The following CCDC7 variants were observed in gnomAD, a reference collection of about 807,000 sequenced individuals.
The protein encoded by CCDC7 is coiled-coil domain containing 7, also known as coiled-coil domain-containing protein 7.
In CCDC7, 183 loss-of-function variants were observed where a neutral mutation model predicts 196.9. That is an observed-to-expected ratio of 0.93 (90% CI 0.82 to 1.05). The LOEUF is 1.05. CCDC7 is among the 50% of genes least tolerant of loss of function. CCDC7 has a pLI of 0.00. For missense variants in CCDC7, 1,540 were observed against 1,482.2 expected (o/e 1.04, Z -0.64); for synonymous variants, 525 against 484.6 (o/e 1.08, Z -1.10).
In CCDC7 at chr10:32,735,508, T is replaced by G. The variant is rs571285609; in HGVS notation, c.2905+6051T>G. Among the ~76,000 whole-genome samples, 26 of 152,338 alleles carry G rather than the reference T, an allele frequency of 1.7e-4. No individual in the cohort carries two copies. The East Asian group carries it at 5.0e-3, about 29-fold the overall frequency. On this transcript the variant is annotated intron_variant, in intron 28 of 41. Coordinates refer to ENST00000639629, the Ensembl canonical transcript of CCDC7. ...CATCTTTTTATGTTTATTTGCCATC[T>G]ATATATCTTTTTTGGTATCTCTTCA...
At chr10:32,678,375 A>T (rs1360293582) in intron 21 of CCDC7, among the ~76,000 whole-genome samples, 1 of 152,128 alleles carries the variant, frequency 6.6e-6, no homozygotes, top group African/African-American at 2.4e-5. Context: ...TTTACATGCT[A>T]GCTTTGGCCC....
chr10:32,660,100 T>C (rs1300903001), intron 20 of CCDC7, among the ~76,000 whole-genome samples: 1 of 152,134 alleles, frequency 6.6e-6, no homozygotes, highest in Non-Finnish European at 1.5e-5. Flanking sequence ...CTCTTTACTT[T>C]TTCCTCTGTT....
intron 20 of CCDC7, among the ~76,000 whole-genome samples, chr10:32,662,915 C>T (rs1447565637): frequency 6.6e-6 from 1 of 152,152 alleles, no homozygotes. Context: ...AGGTAGCTTT[C>T]AGGGCACTTT....
intron 24 of CCDC7, among the ~76,000 whole-genome samples, chr10:32,699,312 T>A (rs1377232626): frequency 1.3e-5 from 2 of 151,202 alleles, no homozygotes; most frequent in East Asian, 2.0e-4. Flanking sequence ...TGTTTGGTTT[T>A]TTGTCCTTGC....
intron 11 of CCDC7, among the ~76,000 whole-genome samples, chr10:32,542,157 C>G (rs2051556679): frequency 6.6e-6 from 1 of 152,112 alleles, no homozygotes; most frequent in Non-Finnish European, 1.5e-5. Context: ...GTTAATTTTT[C>G]CCTTACTTTC....
intron 11 of CCDC7, among the ~76,000 whole-genome samples, chr10:32,538,600 A>G (rs1443488403): frequency 1.3e-5 from 2 of 152,062 alleles, no homozygotes; most frequent in African/African-American, 2.4e-5. Context: ...TGCCTATTCA[A>G]TATGATGTTG....
intron 37 of CCDC7, among the ~76,000 whole-genome samples, 199 bp downstream of exon 38, chr10:32,846,658 A>C (rs570718485): frequency 6.6e-6 from 1 of 152,300 alleles, no homozygotes; most frequent in Non-Finnish European, 1.5e-5. Flanking sequence ...AAACTCATCC[A>C]TTTGAAAAGT....
downstream of CCDC7, among the ~76,000 whole-genome samples, chr10:32,877,344 T>C (rs1251920771): frequency 1.3e-5 from 2 of 152,086 alleles, no homozygotes; most frequent in Non-Finnish European, 2.9e-5. Context: ...GTAACATAAA[T>C]GTGAACTATA....
At chr10:32,725,868 C>A (rs1240892299) in intron 25 of CCDC7, among the ~76,000 whole-genome samples, 1 of 152,170 alleles carries the variant, frequency 6.6e-6, no homozygotes, top group Non-Finnish European at 1.5e-5. Flanking sequence ...CCTTAGGGAT[C>A]ACATTTCAAC....
At chr10:32,828,932 C>T (rs1399457168) in intron 32 of CCDC7, among the ~76,000 whole-genome samples, 1 of 152,132 alleles carries the variant, frequency 6.6e-6, no homozygotes, top group Non-Finnish European at 1.5e-5. Context: ...GGAACGCTGC[C>T]ACCAGGAGAC....
intron 8 of CCDC7, among the ~76,000 whole-genome samples, chr10:32,489,094 G>A (rs1471573457): frequency 6.6e-6 from 1 of 152,200 alleles, no homozygotes; most frequent in Non-Finnish European, 1.5e-5. Flanking sequence ...GACACCTCTT[G>A]GTTCTGGATT....
At chr10:32,854,002 C>A (rs545800762) in intron 40 of CCDC7, among the ~76,000 whole-genome samples, 2 of 152,228 alleles carry the variant, frequency 1.3e-5, no homozygotes, top group Non-Finnish European at 2.9e-5. Flanking sequence ...GAGCACAGTG[C>A]CCAATAGGCA....
chr10:32,658,486 T>C (rs989099162), intron 20 of CCDC7, among the ~76,000 whole-genome samples: 1 of 152,164 alleles, frequency 6.6e-6, no homozygotes, highest in Non-Finnish European at 1.5e-5. Context: ...ATCATGAGAA[T>C]AGCATGGAGG....
intron 25 of CCDC7, among the ~76,000 whole-genome samples, chr10:32,713,769 G>A (rs1413448515): frequency 6.6e-6 from 1 of 152,130 alleles, no homozygotes; most frequent in Non-Finnish European, 1.5e-5. Context: ...GCAGCAGAGG[G>A]CACATGATTG....
intron 25 of CCDC7, among the ~76,000 whole-genome samples, chr10:32,712,071 G>T (rs1344382208): frequency 6.6e-6 from 1 of 152,158 alleles, no homozygotes; most frequent in Non-Finnish European, 1.5e-5. Flanking sequence ...GTAGGCAGAA[G>T]TATTGCCGAG....
chr10:32,743,104 G>T (rs1030737347), intron 28 of CCDC7, among the ~76,000 whole-genome samples: 3 of 152,124 alleles, frequency 2.0e-5, no homozygotes, highest in African/African-American at 7.2e-5. Flanking sequence ...TGGCAATTAT[G>T]AATAAAGCTG....
chr10:32,515,757 G>A (rs1206487712), intron 9 of CCDC7, among the ~76,000 whole-genome samples: 1 of 151,828 alleles, frequency 6.6e-6, no homozygotes, highest in African/African-American at 2.4e-5. Flanking sequence ...AGCCAGGATG[G>A]TCTGGATCTC....
At chr10:32,645,838 G>A (rs2140024634) in intron 20 of CCDC7, among the ~76,000 whole-genome samples, 1 of 152,032 alleles carries the variant, frequency 6.6e-6, no homozygotes, top group South Asian at 2.1e-4. Flanking sequence ...GTTGTTTGTA[G>A]TAGCCTCTTA....
chr10:32,692,925 T>C, intron 23 of CCDC7, among the ~76,000 whole-genome samples: 1 of 152,180 alleles, frequency 6.6e-6, no homozygotes, highest in East Asian at 1.9e-4. Context: ...ACCCTGAGGC[T>C]GAGTTAGCTG....
Sources: gnomAD v4.1 joint callset for allele counts (sites outside exome capture counted in the v4.1 genomes callset) on GRCh38, gnomAD v4.1.1 for gene constraint, MANE v1.5 for transcripts, NCBI Gene and HGNC (gene_info 2026-07-23, HGNC 2026-07-21) for gene names.